The following CERKL variants were observed in gnomAD, a reference collection of about 807,000 sequenced individuals.
The protein encoded by CERKL is CERK like autophagy regulator, also known as ceramide kinase-like protein.
A neutral mutation model predicts 63.4 loss-of-function variants in CERKL; 61 were observed. The observed-to-expected ratio is 0.96, with a 90% confidence interval of 0.78 to 1.19. The LOEUF (loss-of-function observed/expected upper bound fraction) is 1.19, where lower values mean the gene tolerates loss of function less well. CERKL is among the 50% of genes most tolerant of loss of function. The probability of loss-of-function intolerance (pLI) is 0.00; values close to 1 mark genes in which losing one functional copy is unlikely to be tolerated. For synonymous variants in CERKL, 250 were observed against 230.5 expected (o/e 1.08, Z -0.77); for missense variants, 675 against 655.5 (o/e 1.03, Z -0.33).
chr2:181,651,235 G>A (rs376868890), intron 1 of CERKL, among the ~76,000 whole-genome samples: 5 of 152,264 alleles, frequency 3.3e-5, no homozygotes, highest in Middle Eastern at 3.4e-3. Flanking sequence ...GGAAACTATA[G>A]TACAATATCC....
chr2:181,625,797 T>C (rs1255570009), intron 1 of CERKL, among the ~76,000 whole-genome samples: 1 of 152,196 alleles, frequency 6.6e-6, no homozygotes, highest in African/African-American at 2.4e-5. Context: ...AATCTCTATG[T>C]GCTGGAAACT....
At chr2:181,582,164 A>C (rs1684540751) in intron 2 of CERKL, among the ~76,000 whole-genome samples, 1 of 152,180 alleles carries the variant, frequency 6.6e-6, no homozygotes, top group Admixed American at 6.5e-5. Flanking sequence ...TGGCCATCAC[A>C]CCTTGACAAT....
intron 2 of CERKL, among the ~76,000 whole-genome samples, chr2:181,587,889 A>T (rs1230475972): frequency 6.6e-6 from 1 of 152,150 alleles, no homozygotes; most frequent in Non-Finnish European, 1.5e-5. Flanking sequence ...CCTCCAAAAA[A>T]AATAATTTTT....
chr2:181,614,930 C>T (rs1390101307), intron 1 of CERKL, among the ~76,000 whole-genome samples: 1 of 151,978 alleles, frequency 6.6e-6, no homozygotes, highest in Non-Finnish European at 1.5e-5. Context: ...CACTTTTTTG[C>T]AAGTTATGAT....
chr2:181,596,154 G>A (rs1574482730), intron 2 of CERKL, among the ~76,000 whole-genome samples: 1 of 152,050 alleles, frequency 6.6e-6, no homozygotes. Flanking sequence ...CAGTCAAAAG[G>A]GCTTCTTCCT....
chr2:181,655,477 C>A (rs1208317082), intron 1 of CERKL, among the ~76,000 whole-genome samples: 2 of 152,204 alleles, frequency 1.3e-5, no homozygotes, highest in Non-Finnish European at 1.5e-5. Context: ...ATAGCTATAT[C>A]CCTAGCTTTT....
chr2:181,609,865 A>T (rs1046755340), intron 1 of CERKL, among the ~76,000 whole-genome samples: 1 of 152,186 alleles, frequency 6.6e-6, no homozygotes, highest in African/African-American at 2.4e-5. Context: ...GTGGCATCTA[A>T]GCGCCGCTAG....
chr2:181,656,878 G>T lies in CERKL; in HGVS notation c.129C>A (p.Ala43=). The T allele has an allele frequency of 1.2e-6, 2 of 1,605,158 alleles. No homozygotes were observed. The highest frequency in any genetic ancestry group is 1.1e-5 in the South Asian group (1 of 90,578). The change falls in exon 1 of 13, where the codon GCC becomes GCA. Residue 43 remains alanine (A), a synonymous_variant. Transcript: ENST00000410087. The part of the protein sequence containing the change: ...LTSPQQTEAA[A]ERILLRGIFE... Reference sequence around the variant, plus strand: ...AGATGCCCCGGAGCAGAATCCGCTCGGCCGCCGCCTCCGTCTGCTGCGGGG... The same window carrying T: ...AGATGCCCCGGAGCAGAATCCGCTCTGCCGCCGCCTCCGTCTGCTGCGGGG...
intron 11 of CERKL, among the ~76,000 whole-genome samples, chr2:181,540,916 C>T (rs1687478129): frequency 6.6e-6 from 1 of 152,046 alleles, no homozygotes; most frequent in Non-Finnish European, 1.5e-5. Flanking sequence ...TTGAATTGAG[C>T]CTTAAAGAAC....
intron 4 of CERKL, among the ~76,000 whole-genome samples, chr2:181,563,938 C>T (rs997537929): frequency 6.6e-6 from 1 of 151,988 alleles, no homozygotes; most frequent in Non-Finnish European, 1.5e-5. Flanking sequence ...CTTTTTGGTA[C>T]CAAGGACTTT....
At chr2:181,653,297 C>T (rs1462045282) in intron 1 of CERKL, among the ~76,000 whole-genome samples, 1 of 152,170 alleles carries the variant, frequency 6.6e-6, no homozygotes, top group Non-Finnish European at 1.5e-5. Flanking sequence ...GGAACACTTA[C>T]ACACCGGTGG....
intron 3 of CERKL, among the ~76,000 whole-genome samples, chr2:181,571,829 T>C (rs377433079): frequency 6.6e-6 from 1 of 152,164 alleles, no homozygotes; most frequent in Non-Finnish European, 1.5e-5. Context: ...TTATTCCAGA[T>C]TGACTGCGCT....
At chr2:181,565,072 A>T (rs920295300) in intron 4 of CERKL, among the ~76,000 whole-genome samples, 2 of 152,130 alleles carry the variant, frequency 1.3e-5, no homozygotes, top group East Asian at 1.9e-4. Flanking sequence ...CCTCATCCAA[A>T]AAATAAATAA....
Position 181,573,756 on chromosome 2 carries a change from T to C in CERKL, c.610A>G (p.Thr204Ala). Residue 204 changes from threonine (T) to alanine (A), a missense_variant, in exon 3 of 13, where the codon ACA (threonine) becomes GCA (alanine). Transcript: ENST00000410087. ...LKLAGIKTDV[T>A]IMEYEGHALS... ...TTATATTCTGAAAATTACTTACTTG[T>C]TACATCAGTTTTTATTCCTGCAAGC... 1 of 1,611,788 alleles carries C rather than the reference T, an allele frequency of 6.2e-7. No homozygotes were observed. The highest frequency in any genetic ancestry group is 8.5e-7 in the Non-Finnish European group (1 of 1,178,424).
chr2:181,656,319 T>C (rs1018131749), intron 1 of CERKL, among the ~76,000 whole-genome samples: 3 of 152,246 alleles, frequency 2.0e-5, no homozygotes, highest in South Asian at 4.1e-4. Flanking sequence ...GATTCAGAAC[T>C]CTTGTGTAGG....
At chr2:181,615,131 G>A (rs557901572) in intron 1 of CERKL, among the ~76,000 whole-genome samples, 10 of 152,214 alleles carry the variant, frequency 6.6e-5, no homozygotes, top group Admixed American at 6.5e-4. Context: ...CATCTACTGG[G>A]TATCATGCTA....
intron 3 of CERKL, among the ~76,000 whole-genome samples, chr2:181,566,696 A>G (rs956549381): frequency 1.3e-5 from 2 of 152,166 alleles, no homozygotes; most frequent in South Asian, 2.1e-4. Flanking sequence ...GGCCCACCAG[A>G]GCTCAGACCC....
chr2:181,639,731 C>A (rs982252524), intron 1 of CERKL, among the ~76,000 whole-genome samples: 1 of 152,102 alleles, frequency 6.6e-6, no homozygotes, highest in Non-Finnish European at 1.5e-5. Context: ...AGCTTTGAAC[C>A]CCAGCAACTG....
chr2:181,568,703 C>A (rs1162554495), intron 3 of CERKL, among the ~76,000 whole-genome samples: 2 of 138,852 alleles, frequency 1.4e-5, no homozygotes, highest in Non-Finnish European at 3.1e-5. Flanking sequence ...TTTTATTATA[C>A]TTTTAAGTTT....
Sources: allele counts gnomAD v4.1 joint callset (sites outside exome capture counted in the v4.1 genomes callset), GRCh38; gene constraint gnomAD v4.1.1; transcripts MANE v1.5; gene names NCBI Gene and HGNC (gene_info 2026-07-23, HGNC 2026-07-21).